The following GARRE1 variants were observed in gnomAD, a reference collection of about 807,000 sequenced individuals.
The protein encoded by GARRE1 is granule associated Rac and RHOG effector 1.
GARRE1 carries 49 observed loss-of-function variants against 103.2 expected under a neutral mutation model. That is an observed-to-expected ratio of 0.47 (90% confidence interval 0.38 to 0.60). GARRE1 has a LOEUF of 0.60. Among genes scored for constraint, GARRE1 ranks in the 20% least tolerant of loss-of-function variants. The probability of loss-of-function intolerance (pLI) is 0.00; values close to 1 mark genes in which losing one functional copy is unlikely to be tolerated. For synonymous variants in GARRE1, 505 were observed against 532.8 expected, an observed-to-expected ratio of 0.95 and a Z score of 0.72; for missense variants, 1,199 against 1,370.5, an observed-to-expected ratio of 0.87 and a Z score of 1.98.
At chr19:34,274,876 C>T (rs2073807859) in intron 1 of GARRE1, among the ~76,000 whole-genome samples, 1 of 152,172 alleles carries the variant, frequency 6.6e-6, no homozygotes, top group Non-Finnish European at 1.5e-5. Context: ...TTCTAAGGAA[C>T]GTCCGAGCAA....
At chr19:34,308,830 A>C (rs896376838) in intron 2 of GARRE1, among the ~76,000 whole-genome samples, 2 of 152,204 alleles carry the variant, frequency 1.3e-5, no homozygotes, top group African/African-American at 4.8e-5. Context: ...TGGATGAGAG[A>C]AAAATCTCCA....
intron 8 of GARRE1, among the ~76,000 whole-genome samples, chr19:34,338,794 G>A (rs1322248998): frequency 1.3e-5 from 2 of 152,118 alleles, no homozygotes; most frequent in African/African-American, 2.4e-5. Flanking sequence ...TTTCAATCAC[G>A]ATGATATCCC....
chr19:34,330,420 C>A, intron 7 of GARRE1, 73 bp downstream of exon 7: 1 of 1,446,302 alleles, frequency 6.9e-7, no homozygotes, highest in Non-Finnish European at 9.6e-7. Context: ...GTGGTGCAGA[C>A]ACATGTGTGA....
chr19:34,265,275 G>C (rs2073744858), intron 1 of GARRE1, among the ~76,000 whole-genome samples: 2 of 152,206 alleles, frequency 1.3e-5, no homozygotes, highest in Non-Finnish European at 2.9e-5. Flanking sequence ...AGCTGGCTTG[G>C]CTCCCAGACT....
chr19:34,351,499 T>C lies in GARRE1; in HGVS notation c.2826-15T>C. ...AAGCCAAGCAATCACTGCCCTGAGC[T>C]CTTGGTTCTTGCAGGAAACACAGCA... On this transcript the variant is annotated splice_polypyrimidine_tract_variant and intron_variant, in intron 12 of 13. Coordinates refer to ENST00000299505, the MANE Select transcript of GARRE1 (RefSeq NM_014686.5). 2 of 1,609,688 alleles carry C rather than the reference T, an allele frequency of 1.2e-6. No homozygotes were observed. The highest frequency in any genetic ancestry group is 1.7e-6 in the Non-Finnish European group (2 of 1,176,180).
At chr19:34,307,215 C>T (rs1313779111) in intron 2 of GARRE1, among the ~76,000 whole-genome samples, 1 of 152,122 alleles carries the variant, frequency 6.6e-6, no homozygotes, top group Non-Finnish European at 1.5e-5. Flanking sequence ...AGGTACACCT[C>T]TGAAGGGCAG....
intron 8 of GARRE1, among the ~76,000 whole-genome samples, chr19:34,339,583 C>T (rs1307481943): frequency 1.3e-5 from 2 of 152,148 alleles, no homozygotes; most frequent in African/African-American, 4.8e-5. Flanking sequence ...ACACTATCAC[C>T]TAGGAAATCT....
At chr19:34,312,197 G>A (rs1193631799) in intron 2 of GARRE1, among the ~76,000 whole-genome samples, 1 of 152,134 alleles carries the variant, frequency 6.6e-6, no homozygotes, top group African/African-American at 2.4e-5. Flanking sequence ...TAGTTAAGGG[G>A]CTATTAGAGC....
intron 10 of GARRE1, among the ~76,000 whole-genome samples, chr19:34,346,473 T>C (rs328408): frequency 0.52 from 78,938 of 151,990 alleles, 23,980 homozygotes; most frequent in African/African-American, 0.83. Flanking sequence ...AACTTTAGCT[T>C]AAGTGGGATC....
rs140626652 is a variant in GARRE1, at chr19:34,342,079, G to A, written c.2145G>A (p.Pro715=). The A allele has an allele frequency of 2.3e-3, 3,657 of 1,614,100 alleles. 7 individuals carry two copies. The highest frequency in any genetic ancestry group is 2.5e-3 in the Non-Finnish European group (2,926 of 1,180,014). The change falls in exon 10 of 14, where the codon CCG becomes CCA. Residue 715 remains proline, a synonymous_variant. Transcript: ENST00000299505. ...AGAHTPLTPQ[P]GLAPQQQSPK... is the part of the protein sequence containing the mutation. ...CACACACACCTCTGACACCCCAGCC[G>A]GGACTGGCACCTCAGCAGCAGTCCC...
intron 1 of GARRE1, among the ~76,000 whole-genome samples, chr19:34,278,957 C>T (rs2073834756): frequency 6.6e-6 from 1 of 152,204 alleles, no homozygotes; most frequent in Non-Finnish European, 1.5e-5. Flanking sequence ...GCATGAGCCA[C>T]TGCTTCCAGC....
At chr19:34,295,994 G>A (rs1274547751) in intron 1 of GARRE1, among the ~76,000 whole-genome samples, 1 of 152,098 alleles carries the variant, frequency 6.6e-6, no homozygotes, top group Non-Finnish European at 1.5e-5. Context: ...TTTATTTCTG[G>A]ACTTCTAATT....
chr19:34,352,568 A>G lies in GARRE1; in HGVS notation c.2905-79A>G. 16 of 1,240,540 alleles carry G rather than the reference A, an allele frequency of 1.3e-5. No homozygotes were observed. In the South Asian group the frequency reaches 2.0e-4, roughly 15 times the overall value. The allele number at this position is 1,240,540 out of a possible 1,614,324, so 76.8% of individuals were successfully genotyped here. A position where few individuals can be genotyped will look rare whatever the true frequency, so the allele number is the denominator to read the frequency against. On this transcript the variant is annotated intron_variant, in intron 13 of 13. Transcript: ENST00000299505. ...CTCACCCGGCTTCCTAGGAGGGAAT[A>G]AGGGCCAGGCATCTGGGGAGGTGGG... is the stretch of plus-strand genomic sequence containing the variant.
chr19:34,256,382 T>G (rs866696701), intron 1 of GARRE1, among the ~76,000 whole-genome samples: 12 of 151,528 alleles, frequency 7.9e-5, no homozygotes, highest in African/African-American at 2.9e-4. Context: ...TAGCCAAGCA[T>G]GGTGGCGCGC....
chr19:34,344,723 AGCGCAGTG>A (rs2074202746), intron 10 of GARRE1, among the ~76,000 whole-genome samples: 1 of 151,772 alleles, frequency 6.6e-6, no homozygotes, highest in Admixed American at 6.6e-5. Flanking sequence ...CCCAGGCTGG[AGCGCAGTG>A]GCGCGATCCC....
intron 8 of GARRE1, among the ~76,000 whole-genome samples, chr19:34,334,518 G>T (rs1033917519): frequency 1.3e-5 from 2 of 151,900 alleles, no homozygotes; most frequent in Non-Finnish European, 2.9e-5. Flanking sequence ...GCCCAATGTG[G>T]TGAAACCCCA....
At chr19:34,346,810 G>T (rs1254513292) in intron 10 of GARRE1, among the ~76,000 whole-genome samples, 1 of 152,118 alleles carries the variant, frequency 6.6e-6, no homozygotes, top group African/African-American at 2.4e-5. Flanking sequence ...TAGAGACGGG[G>T]TTTCACCATG....
At chr19:34,326,991 C>T (rs1297222491) in intron 3 of GARRE1, among the ~76,000 whole-genome samples, 1 of 151,860 alleles carries the variant, frequency 6.6e-6, no homozygotes, top group Non-Finnish European at 1.5e-5. Flanking sequence ...CTTGTCTCTA[C>T]TAAAAATACA....
chr19:34,318,873 C>T (rs2074071979), intron 2 of GARRE1, among the ~76,000 whole-genome samples: 1 of 152,110 alleles, frequency 6.6e-6, no homozygotes, highest in Admixed American at 6.5e-5. Flanking sequence ...GAAACCCCGT[C>T]TCCACTAAAA....
Sources: gnomAD v4.1 joint callset for allele counts (sites outside exome capture counted in the v4.1 genomes callset) on GRCh38, gnomAD v4.1.1 for gene constraint, MANE v1.5 for transcripts, NCBI Gene and HGNC (gene_info 2026-07-23, HGNC 2026-07-21) for gene names.